Variants in ABHD17C observed in about 807,000 individuals in gnomAD.
ABHD17C encodes the protein abhydrolase domain containing 17C, depalmitoylase, also known as alpha/beta hydrolase domain-containing protein 17C.
A neutral mutation model predicts 27.9 loss-of-function variants in ABHD17C; 11 were observed. The ratio of observed to expected loss-of-function variants is 0.39; its 90% CI spans 0.25 to 0.65. The LOEUF (loss-of-function observed/expected upper bound fraction) is 0.65, where lower values mean the gene tolerates loss of function less well. ABHD17C is among the 30% of genes least tolerant of loss of function. The pLI is 0.45. For missense variants in ABHD17C, 280 were observed against 470.2 expected, an observed-to-expected ratio of 0.60 and a Z score of 3.74; for synonymous variants, 233 against 209.1, an observed-to-expected ratio of 1.11 and a Z score of -0.98.
rs954573159 is a variant in ABHD17C, at chr15:80,711,869, C to T, written c.590+15850C>T. Reference sequence around the variant, plus strand: ...CAATTGGAGTCTGTATTTCTCAGGACTTGTCCCTTCATTTGCAACTCTTTT... The same window carrying T: ...CAATTGGAGTCTGTATTTCTCAGGATTTGTCCCTTCATTTGCAACTCTTTT... On this transcript the variant is annotated intron_variant, in intron 1 of 2. Transcript: ENST00000258884. Among the ~76,000 whole-genome samples, 3 of 152,314 alleles carry T rather than the reference C, an allele frequency of 2.0e-5. No homozygotes were observed. The East Asian group carries it at 5.8e-4, about 29-fold the overall frequency.
At position 80,705,362 on chromosome 15, in the gene ABHD17C, T is replaced by TGTGTGTGTGTGTGTGTGTGTGTGG. The variant is rs776574776; in HGVS notation, c.590+9348_590+9349insTGTGTGTGTGTGTGTGTGGGTGTG. On this transcript the variant is annotated intron_variant, in intron 1 of 2. Coordinates refer to ENST00000258884, the MANE Select transcript of ABHD17C (RefSeq NM_021214.2). Reference sequence around the variant, plus strand: ...GTGTGTGTGTGTGTGTGTGTGTGTGTGTGTGGTTAGGAGCATATATTTTAG... The same window carrying TGTGTGTGTGTGTGTGTGTGTGTGG: ...GTGTGTGTGTGTGTGTGTGTGTGTGTGTGTGTGTGTGTGTGTGTGTGTGGGTGTGGTTAGGAGCATATATTTTAG... Among the ~76,000 whole-genome samples, 697 of 150,650 alleles carry TGTGTGTGTGTGTGTGTGTGTGTGG rather than the reference T, an allele frequency of 4.6e-3. 19 individuals carry two copies. Among genetic ancestry groups the TGTGTGTGTGTGTGTGTGTGTGTGG allele is most frequent in the Admixed American group, 0.032 (477 of 14,900 alleles).
intron 1 of ABHD17C, among the ~76,000 whole-genome samples, chr15:80,725,234 A>G (rs1046201873): frequency 3.3e-5 from 5 of 152,194 alleles, no homozygotes; most frequent in African/African-American, 1.2e-4. Flanking sequence ...TGAACCCATA[A>G]ATACAGAAAA....
At chr15:80,734,076 C>G (rs1895093457) in intron 1 of ABHD17C, among the ~76,000 whole-genome samples, 1 of 151,952 alleles carries the variant, frequency 6.6e-6, no homozygotes, top group South Asian at 2.1e-4. Context: ...CTTCCACGTC[C>G]CGGACTCAAA....
chr15:80,698,647 A>G (rs902662680), intron 1 of ABHD17C, among the ~76,000 whole-genome samples: 40 of 152,278 alleles, frequency 2.6e-4, no homozygotes, highest in Middle Eastern at 3.4e-3. Flanking sequence ...CAGCCCCTCA[A>G]CCACTTTCCT....
intron 1 of ABHD17C, among the ~76,000 whole-genome samples, chr15:80,737,685 T>C (rs186453544): frequency 5.3e-5 from 8 of 152,292 alleles, no homozygotes; most frequent in Admixed American, 5.2e-4. Context: ...GTCTGTAGAC[T>C]GGAGGAGTCA....
chr15:80,753,153 A>C (rs965216857), intron 2 of ABHD17C, among the ~76,000 whole-genome samples: 21 of 152,084 alleles, frequency 1.4e-4, no homozygotes, highest in African/African-American at 4.8e-4. Flanking sequence ...TTGATATGTT[A>C]AGTTCTGGCC....
chr15:80,716,800 G>A (rs562405531), intron 1 of ABHD17C, among the ~76,000 whole-genome samples: 1 of 152,320 alleles, frequency 6.6e-6, no homozygotes, highest in South Asian at 2.1e-4. Flanking sequence ...CAGCCGGAAT[G>A]TTCCCAGTTC....
intron 1 of ABHD17C, among the ~76,000 whole-genome samples, chr15:80,697,783 G>A (rs568046494): frequency 6.6e-6 from 1 of 152,256 alleles, no homozygotes; most frequent in Admixed American, 6.5e-5. Flanking sequence ...TTTATTTAAT[G>A]TTATACCAGA....
chr15:80,725,689 A>T (rs1894962906), intron 1 of ABHD17C, among the ~76,000 whole-genome samples: 1 of 151,750 alleles, frequency 6.6e-6, no homozygotes, highest in Non-Finnish European at 1.5e-5. Flanking sequence ...ATTTTTATTT[A>T]TTTATTTTTA....
chr15:80,708,876 A>G (rs1396270303), intron 1 of ABHD17C, among the ~76,000 whole-genome samples: 1 of 152,214 alleles, frequency 6.6e-6, no homozygotes, highest in African/African-American at 2.4e-5. Flanking sequence ...GTTGTGGAGC[A>G]GGCCCAGATG....
At chr15:80,735,775 A>G (rs1352160015) in intron 1 of ABHD17C, among the ~76,000 whole-genome samples, 1 of 152,140 alleles carries the variant, frequency 6.6e-6, no homozygotes, top group Non-Finnish European at 1.5e-5. Flanking sequence ...GCTGTACCTC[A>G]ATGAACTTGA....
At chr15:80,725,596 G>A (rs1012330223) in intron 1 of ABHD17C, among the ~76,000 whole-genome samples, 27 of 152,178 alleles carry the variant, frequency 1.8e-4, no homozygotes, top group South Asian at 4.2e-4. Flanking sequence ...CATTGCAGCC[G>A]TGAACTTCTG....
intron 1 of ABHD17C, among the ~76,000 whole-genome samples, chr15:80,706,842 G>C (rs1230603063): frequency 6.6e-6 from 1 of 152,122 alleles, no homozygotes; most frequent in Non-Finnish European, 1.5e-5. Flanking sequence ...GGGTATTTCA[G>C]TTTCTCCAGT....
chr15:80,745,688 TCACTGG>T (rs1895273111), intron 1 of ABHD17C, among the ~76,000 whole-genome samples: 2 of 152,156 alleles, frequency 1.3e-5, no homozygotes. Context: ...ACTTTAAGAT[TCACTGG>T]TGGTGACGGG....
At chr15:80,706,750 G>A (rs1347894319) in intron 1 of ABHD17C, among the ~76,000 whole-genome samples, 1 of 152,140 alleles carries the variant, frequency 6.6e-6, no homozygotes, top group Non-Finnish European at 1.5e-5. Context: ...GACTGCAAAG[G>A]TCTGTGATAC....
rs888750695 is a variant in ABHD17C, at chr15:80,696,015, A to T, written c.586A>T (p.Thr196Ser). The T allele has an allele frequency of 5.1e-6, 8 of 1,566,468 alleles. No individual in the cohort carries two copies. In the Admixed American group the frequency reaches 7.3e-5, roughly 14 times the overall value. The change falls in exon 1 of 3, where the codon ACC becomes TCC. Residue 196 changes from threonine (T) to serine (S), a missense_variant. By Grantham distance (58) the Thr-to-Ser change is moderately conservative (BLOSUM62 1). Transcript: ENST00000258884. ...DIDAAWQALRTRYGVSPENII... is the reference protein window; with the variant it reads ...DIDAAWQALRSRYGVSPENII... ...CGACGCCGCGTGGCAGGCGCTGCGC[A>T]CCCGGTGAGCCTGCCGGGGTCGCCA...
chr15:80,733,596 C>T (rs1895085644), intron 1 of ABHD17C, among the ~76,000 whole-genome samples: 1 of 152,170 alleles, frequency 6.6e-6, no homozygotes. Flanking sequence ...TTCTCTATCC[C>T]CAGTAAGTCA....
chr15:80,748,436 ACTGT>A (rs1354764101), intron 1 of ABHD17C, among the ~76,000 whole-genome samples: 1 of 152,062 alleles, frequency 6.6e-6, no homozygotes, highest in Non-Finnish European at 1.5e-5. Flanking sequence ...GTCTTTCAAC[ACTGT>A]CTGGCTTCTT....
At chr15:80,711,267 CTGAG>C (rs1894725312) in intron 1 of ABHD17C, among the ~76,000 whole-genome samples, 1 of 152,184 alleles carries the variant, frequency 6.6e-6, no homozygotes, top group African/African-American at 2.4e-5. Context: ...GCATGAATCA[CTGAG>C]TGACAGGTCT....
Sources: allele counts gnomAD v4.1 joint callset (sites outside exome capture counted in the v4.1 genomes callset), GRCh38; gene constraint gnomAD v4.1.1; transcripts MANE v1.5; gene names NCBI Gene and HGNC (gene_info 2026-07-23, HGNC 2026-07-21).